Variants in HSD17B12 observed in about 807,000 individuals in gnomAD.
HSD17B12 encodes very-long-chain 3-oxoacyl-CoA reductase.
A neutral mutation model predicts 39.3 loss-of-function variants in HSD17B12; 32 were observed. The observed-to-expected ratio is 0.81, with a 90% CI of 0.61 to 1.09. The LOEUF (loss-of-function observed/expected upper bound fraction) is 1.09, where lower values mean the gene tolerates loss of function less well. Among genes scored for constraint, HSD17B12 ranks in the 50% least tolerant of loss-of-function variants. The pLI, the probability that HSD17B12 is intolerant of heterozygous loss-of-function variation, is 0.00. For synonymous variants in HSD17B12, 150 were observed against 146.7 expected (o/e 1.02, Z -0.16); for missense variants, 342 against 382.9 (o/e 0.89, Z 0.89).
At chr11:43,697,725 TGAG>T (rs1182377674) in intron 1 of HSD17B12, among the ~76,000 whole-genome samples, 3 of 152,152 alleles carry the variant, frequency 2.0e-5, no homozygotes, top group African/African-American at 7.2e-5. Flanking sequence ...GTGAAGACCT[TGAG>T]GAAACTGAGA....
At chr11:43,793,339 A>T (rs1189998029) in intron 3 of HSD17B12, among the ~76,000 whole-genome samples, 2 of 152,210 alleles carry the variant, frequency 1.3e-5, no homozygotes, top group Non-Finnish European at 2.9e-5. Context: ...TATTTGGAGC[A>T]GATGTGGGGA....
intron 3 of HSD17B12, among the ~76,000 whole-genome samples, chr11:43,756,805 A>T (rs1950511309): frequency 6.6e-6 from 1 of 152,214 alleles, no homozygotes; most frequent in Non-Finnish European, 1.5e-5. Context: ...ATGATATTTG[A>T]GAATTTGGTT....
rs116148018 is a variant in HSD17B12, at chr11:43,832,458, C to T, written c.536+1448C>T. Among the ~76,000 whole-genome samples the T allele has an allele frequency of 9.1e-3, 1,379 of 152,258 alleles. 32 individuals carry two copies. Among genetic ancestry groups the T allele is most frequent in the African/African-American group, 0.032 (1,313 of 41,538 alleles). ...ATAAAGTCTTAGAGTCAAAGAGTCA[C>T]AGAAATCCAGTGCATTAAATTAATT... On this transcript the variant is annotated intron_variant, in intron 7 of 10. Coordinates refer to ENST00000278353, the MANE Select transcript of HSD17B12 (RefSeq NM_016142.3).
chr11:43,637,468 G>A, the HSD17B12 span, among the ~76,000 whole-genome samples: 608 of 152,178 alleles, frequency 4.0e-3, 2 homozygotes, highest in East Asian at 0.03. Context: ...TGATCCGCAG[G>A]CCTTGGCCTC....
At chr11:43,605,569 A>G in the HSD17B12 span, among the ~76,000 whole-genome samples, 1 of 151,732 alleles carries the variant, frequency 6.6e-6, no homozygotes, top group East Asian at 1.9e-4. Context: ...CTCAAAAAAA[A>G]AAAAAAAAAA....
At chr11:43,622,673 T>C in the HSD17B12 span, among the ~76,000 whole-genome samples, 1 of 152,104 alleles carries the variant, frequency 6.6e-6, no homozygotes, top group African/African-American at 2.4e-5. Flanking sequence ...GAATTTGCAA[T>C]TTTTTGGAAA....
At chr11:43,706,791 A>G (rs1253777958) in intron 1 of HSD17B12, among the ~76,000 whole-genome samples, 2 of 151,810 alleles carry the variant, frequency 1.3e-5, no homozygotes, top group East Asian at 3.9e-4. Flanking sequence ...TGGGTCTTGG[A>G]AAGACGACAC....
chr11:43,607,316 G>GTA, the HSD17B12 span, among the ~76,000 whole-genome samples: 3 of 143,124 alleles, frequency 2.1e-5, no homozygotes, highest in South Asian at 2.3e-4. Context: ...GTGTGTGTGT[G>GTA]TACCATGTAG....
intron 1 of HSD17B12, among the ~76,000 whole-genome samples, chr11:43,693,891 T>C (rs1590665453): frequency 1.3e-5 from 2 of 152,224 alleles, no homozygotes; most frequent in East Asian, 3.9e-4. Flanking sequence ...GTTCCCCTGA[T>C]CTTGCACATC....
At chr11:43,665,753 A>G in the HSD17B12 span, among the ~76,000 whole-genome samples, 1 of 152,192 alleles carries the variant, frequency 6.6e-6, no homozygotes, top group Non-Finnish European at 1.5e-5. Context: ...GCTTTGCTCT[A>G]CACACGCACA....
chr11:43,631,490 A>G, the HSD17B12 span, among the ~76,000 whole-genome samples: 1 of 152,096 alleles, frequency 6.6e-6, no homozygotes, highest in East Asian at 1.9e-4. Flanking sequence ...GAGAGACAGT[A>G]GGTTCCTACA....
chr11:43,606,217 A>G, the HSD17B12 span, among the ~76,000 whole-genome samples: 1 of 152,226 alleles, frequency 6.6e-6, no homozygotes, highest in African/African-American at 2.4e-5. Flanking sequence ...GTTCTTCCTG[A>G]TGTACTCATA....
At chr11:43,607,111 T>A in the HSD17B12 span, among the ~76,000 whole-genome samples, 1 of 152,162 alleles carries the variant, frequency 6.6e-6, no homozygotes, top group Non-Finnish European at 1.5e-5. Context: ...TTATCTTAAT[T>A]GTTATTGTGT....
chr11:43,617,709 C>A, the HSD17B12 span, among the ~76,000 whole-genome samples: 1 of 152,066 alleles, frequency 6.6e-6, no homozygotes, highest in Non-Finnish European at 1.5e-5. Flanking sequence ...AGGAATACAG[C>A]CGTGAACAGG....
intron 6 of HSD17B12, among the ~76,000 whole-genome samples, chr11:43,819,651 A>T (rs1282268695): frequency 1.3e-5 from 2 of 152,224 alleles, no homozygotes; most frequent in African/African-American, 2.4e-5. Flanking sequence ...TTCTTCATTG[A>T]CATTGGCATA....
chr11:43,642,728 A>T, the HSD17B12 span, among the ~76,000 whole-genome samples: 2 of 151,958 alleles, frequency 1.3e-5, no homozygotes, highest in Non-Finnish European at 2.9e-5. Context: ...AAATGTTCAG[A>T]TGCTAAAGTA....
chr11:43,703,043 G>A (rs1338606916), intron 1 of HSD17B12, among the ~76,000 whole-genome samples: 4 of 151,602 alleles, frequency 2.6e-5, no homozygotes, highest in Admixed American at 2.6e-4. Context: ...TGTTTTTTTT[G>A]TTTGATGTAC....
rs576898419 is a variant in HSD17B12, at chr11:43,688,211, C to CAA, written c.160+7237_160+7238dup. 4.1e-4 allele frequency among the ~76,000 whole-genome samples: 57 copies of CAA among 139,364 alleles called. No homozygotes were observed. In the Middle Eastern group the frequency reaches 0.011, roughly 27 times the overall value. 91.4% of individuals were successfully genotyped at this position (139,364 alleles called of 152,430 possible). ...TGGGCAACTGAGCAACACTCTGTCT[C>CAA]AAAAAAAAAAAAAATTTAATGAATA... On this transcript the variant is annotated intron_variant, in intron 1 of 10. Transcript: ENST00000278353.
At chr11:43,748,667 A>G (rs1950438231) in intron 1 of HSD17B12, among the ~76,000 whole-genome samples, 1 of 152,174 alleles carries the variant, frequency 6.6e-6, no homozygotes, top group African/African-American at 2.4e-5. Context: ...GTTGGAGGAG[A>G]TTTTATAAGA....
Sources: allele counts gnomAD v4.1 joint callset (sites outside exome capture counted in the v4.1 genomes callset), GRCh38; gene constraint gnomAD v4.1.1; transcripts MANE v1.5; gene names NCBI Gene and HGNC (gene_info 2026-07-23, HGNC 2026-07-21).